The following FOXO3 variants were observed in gnomAD, a reference collection of about 807,000 sequenced individuals.
The protein encoded by FOXO3 is forkhead box protein O3.
A neutral mutation model predicts 41.9 loss-of-function variants in FOXO3; 4 were observed. The observed-to-expected ratio is 0.10, with a 90% CI of 0.05 to 0.22. The LOEUF (loss-of-function observed/expected upper bound fraction) is 0.22, where lower values mean the gene tolerates loss of function less well. Among genes scored for constraint, FOXO3 ranks in the 10% least tolerant of loss-of-function variants. The pLI is 1.00. For missense variants in FOXO3, 534 were observed against 906.8 expected (o/e 0.59, Z 5.28); for synonymous variants, 318 against 389.3 (o/e 0.82, Z 2.16).
chr6:108,623,231 T>G (rs760946781), intron 1 of FOXO3, among the ~76,000 whole-genome samples: 5 of 152,216 alleles, frequency 3.3e-5, no homozygotes, highest in Admixed American at 6.5e-5. Flanking sequence ...CGTAGTCGTC[T>G]CAGGAGCCTA....
intron 1 of FOXO3, among the ~76,000 whole-genome samples, chr6:108,624,450 G>A (rs1051591498): frequency 6.6e-6 from 1 of 152,128 alleles, no homozygotes; most frequent in Admixed American, 6.5e-5. Flanking sequence ...CAGGCCAGTA[G>A]GTTTTTTGCT....
rs376256686 is a variant in FOXO3, at chr6:108,683,599, T to C, written c.*3807T>C. 6.6e-5 allele frequency: 10 copies of C among 151,200 alleles called. No homozygotes were observed. The East Asian group carries it at 2.0e-3, about 30-fold the overall frequency. The allele number at this position is 151,200 out of a possible 1,614,324, so 9.4% of individuals were successfully genotyped here. On this transcript the variant is annotated 3_prime_UTR_variant, in exon 3 of 3. Transcript: ENST00000406360. Reference sequence around the variant, plus strand: ...TACTCTGGAGGCTGAGGCAGGAGAATCGCTTGAACCCAGGAGGCGGAGGTC... The same window carrying C: ...TACTCTGGAGGCTGAGGCAGGAGAACCGCTTGAACCCAGGAGGCGGAGGTC...
chr6:108,596,382 GAAAAAA>G (rs61683111), intron 1 of FOXO3, among the ~76,000 whole-genome samples: 15 of 58,294 alleles, frequency 2.6e-4, no homozygotes, highest in African/African-American at 4.4e-4. Context: ...TGGCCTAAAT[GAAAAAA>G]AAAAAAAAAA....
chr6:108,593,712 CTTTTTTT>C (rs34228633), intron 1 of FOXO3, among the ~76,000 whole-genome samples: 7 of 83,340 alleles, frequency 8.4e-5, no homozygotes, highest in South Asian at 8.0e-4. Flanking sequence ...TTTTCTTCTT[CTTTTTTT>C]TTTTTTTTTT....
At chr6:108,675,854 A>G (rs1004436033) in intron 2 of FOXO3, among the ~76,000 whole-genome samples, 35 of 152,318 alleles carry the variant, frequency 2.3e-4, no homozygotes, top group African/African-American at 8.2e-4. Flanking sequence ...ACACTACTGA[A>G]AAATGTTTCA....
At chr6:108,573,990 A>G (rs1235436341) in intron 1 of FOXO3, among the ~76,000 whole-genome samples, 1 of 151,916 alleles carries the variant, frequency 6.6e-6, no homozygotes, top group East Asian at 1.9e-4. Context: ...CGTCTCTACT[A>G]AAAATACAAA....
intron 1 of FOXO3, among the ~76,000 whole-genome samples, chr6:108,644,142 C>T (rs763045871): frequency 1.3e-5 from 2 of 151,328 alleles, no homozygotes; most frequent in East Asian, 1.9e-4. Context: ...GCCCTCACTG[C>T]GGCCCTCACT....
At chr6:108,674,913 G>A (rs547184703) in intron 2 of FOXO3, among the ~76,000 whole-genome samples, 1 of 152,240 alleles carries the variant, frequency 6.6e-6, no homozygotes, top group South Asian at 2.1e-4. Context: ...ATCTAAAAGT[G>A]TACATACTAT....
intron 1 of FOXO3, among the ~76,000 whole-genome samples, chr6:108,623,640 T>C (rs1159855241): frequency 6.6e-6 from 1 of 152,194 alleles, no homozygotes; most frequent in Non-Finnish European, 1.5e-5. Context: ...ATACACCCCT[T>C]TGTATAAATG....
intron 1 of FOXO3, among the ~76,000 whole-genome samples, chr6:108,615,505 A>ATT (rs747727310): frequency 4.7e-5 from 7 of 147,414 alleles, no homozygotes; most frequent in Non-Finnish European, 1.1e-4. Context: ...GCTTTTAAGT[A>ATT]TTTTTTTTTT....
intron 2 of FOXO3, 65 bp downstream of exon 2, chr6:108,664,954 C>A (rs975167123): frequency 1.4e-6 from 2 of 1,453,720 alleles, no homozygotes; most frequent in Non-Finnish European, 1.9e-6. Flanking sequence ...TCTGGGGGAG[C>A]CTGTCTTCTC....
chr6:108,579,424 G>T (rs1235733934), intron 1 of FOXO3, among the ~76,000 whole-genome samples: 1 of 152,150 alleles, frequency 6.6e-6, no homozygotes, highest in Non-Finnish European at 1.5e-5. Context: ...TTCTGTCTGG[G>T]GTCAGAGTTT....
chr6:108,628,678 C>T (rs1026196425), intron 1 of FOXO3, among the ~76,000 whole-genome samples: 13 of 152,192 alleles, frequency 8.5e-5, no homozygotes, highest in Middle Eastern at 3.4e-3. Flanking sequence ...GAGGTGCCAT[C>T]AAAGTTCTAA....
intron 1 of FOXO3, among the ~76,000 whole-genome samples, chr6:108,576,184 CAT>C (rs1776256669): frequency 1.3e-5 from 2 of 152,218 alleles, no homozygotes; most frequent in Admixed American, 1.3e-4. Flanking sequence ...TGAATAGACA[CAT>C]GTCCTCTGCT....
chr6:108,580,183 A>ATT (rs11395032), intron 1 of FOXO3, among the ~76,000 whole-genome samples: 6,772 of 92,868 alleles, frequency 0.073, 561 homozygotes, highest in African/African-American at 0.11. Context: ...GCTCTTCTTC[A>ATT]TTTTTTTTTT....
At chr6:108,602,752 T>A (rs1777088641) in intron 1 of FOXO3, among the ~76,000 whole-genome samples, 1 of 152,186 alleles carries the variant, frequency 6.6e-6, no homozygotes. Flanking sequence ...GCAATATAGA[T>A]GATTGTGTAC....
At chr6:108,593,019 A>G (rs1157731851) in intron 1 of FOXO3, among the ~76,000 whole-genome samples, 2 of 152,220 alleles carry the variant, frequency 1.3e-5, no homozygotes, top group African/African-American at 2.4e-5. Context: ...CAGTTTGAAC[A>G]TCTAGATGTT....
At chr6:108,669,709 C>T (rs1380097232) in intron 2 of FOXO3, among the ~76,000 whole-genome samples, 2 of 152,142 alleles carry the variant, frequency 1.3e-5, no homozygotes, top group African/African-American at 4.8e-5. Flanking sequence ...TTTGCAGAGG[C>T]TGGTACACTG....
At chr6:108,599,247 T>C (rs1776977856) in intron 1 of FOXO3, among the ~76,000 whole-genome samples, 1 of 152,218 alleles carries the variant, frequency 6.6e-6, no homozygotes, top group African/African-American at 2.4e-5. Flanking sequence ...TTCTTTAAGA[T>C]AGGCTAATTT....
Sources: gnomAD v4.1 joint callset for allele counts (sites outside exome capture counted in the v4.1 genomes callset) on GRCh38, gnomAD v4.1.1 for gene constraint, MANE v1.5 for transcripts, NCBI Gene and HGNC (gene_info 2026-07-23, HGNC 2026-07-21) for gene names.